NUMA1: variants seen among roughly 807,000 people sequenced by gnomAD.
NUMA1 encodes SP-H antigen.
In NUMA1, 62 loss-of-function variants were observed where a neutral mutation model predicts 237.1. The ratio of observed to expected loss-of-function variants is 0.26; its 90% CI spans 0.21 to 0.32. The LOEUF (loss-of-function observed/expected upper bound fraction) is 0.32, where lower values mean the gene tolerates loss of function less well. NUMA1 is among the 10% of genes least tolerant of loss of function. The pLI is 1.00. For synonymous variants in NUMA1, 1,028 were observed against 1,066.1 expected (o/e 0.96, Z 0.70); for missense variants, 2,533 against 2,666.5 (o/e 0.95, Z 1.10).
intron 8 of NUMA1, among the ~76,000 whole-genome samples, chr11:72,020,139 G>T (rs1447373004): frequency 6.6e-6 from 1 of 152,092 alleles, no homozygotes; most frequent in Non-Finnish European, 1.5e-5. Context: ...CCATTCTTAA[G>T]TCTCCTCATC....
chr11:72,067,316 A>G (rs1239458846), intron 2 of NUMA1: 2 of 152,210 alleles, frequency 1.3e-5, no homozygotes, highest in Non-Finnish European at 2.9e-5. Flanking sequence ...CTCTAAATGA[A>G]TCCCACTGTA....
intron 2 of NUMA1, among the ~76,000 whole-genome samples, chr11:72,054,662 A>G (rs779705055): frequency 1.3e-5 from 2 of 152,188 alleles, no homozygotes; most frequent in Non-Finnish European, 2.9e-5. Context: ...CAAATCCAAG[A>G]CTGTCCCACT....
rs1956390406 is a variant in NUMA1 at position 72,014,657 on chromosome 11, G to C, written c.2846C>G (p.Pro949Arg). 6.2e-7 allele frequency: 1 copy of C among 1,612,586 alleles called. No homozygotes were observed. Among genetic ancestry groups the C allele is most frequent in the South Asian group, 1.1e-5 (1 of 91,092 alleles). ...KEPARAGDRQ[P>R]EWLEEQQGRQ... is the part of the protein sequence containing the mutation. ...TCCCTGTTGCTCTTCCAGCCACTCG[G>C]GCTGTCTGTCTCCTGCCCTCGCAGG... is the stretch of plus-strand genomic sequence containing the variant. The change falls in exon 15 of 27, where the codon CCC becomes CGC. Residue 949 changes from proline (P) to arginine (R), a missense_variant. Pro to Arg is a moderately radical substitution (Grantham distance 103). Coordinates refer to ENST00000393695, the MANE Select transcript of NUMA1 (RefSeq NM_006185.4). The surrounding 1 kb of genome is among the most constrained non-coding windows in gnomAD (Gnocchi z 4.6).
intron 25 of NUMA1, 32 bp from the exon 26 acceptor site, chr11:72,004,131 C>CAATG (rs1207942201): frequency 6.2e-7 from 1 of 1,611,902 alleles, no homozygotes; most frequent in African/African-American, 1.3e-5. Context: ...CCGGGAGACC[C>CAATG]AATGCTGCCT....
chr11:72,025,906 A>G (rs998232726), intron 4 of NUMA1, among the ~76,000 whole-genome samples: 1 of 152,166 alleles, frequency 6.6e-6, no homozygotes, highest in Non-Finnish European at 1.5e-5. Flanking sequence ...CCCACCCACA[A>G]TCTGGAATGT....
At chr11:72,055,128 T>C (rs7122209) in intron 2 of NUMA1, among the ~76,000 whole-genome samples, 2,574 of 152,160 alleles carry the variant, frequency 0.017, 76 homozygotes, top group African/African-American at 0.059. Flanking sequence ...ATAAAGAGAA[T>C]AGATTTGGGG....
In NUMA1 at chr11:72,016,150, A is replaced by T; in HGVS notation, c.1353T>A (p.Leu451=). The T allele has an allele frequency of 1.2e-6, 2 of 1,613,980 alleles. No homozygotes were observed. The highest frequency in any genetic ancestry group is 1.7e-6 in the Non-Finnish European group (2 of 1,179,954). The change falls in exon 15 of 27, where the codon CTT becomes CTA. Residue 451 remains leucine (L), a synonymous_variant. Coordinates refer to ENST00000393695, the MANE Select transcript of NUMA1 (RefSeq NM_006185.4). ...CTTCTTCGAAGTGGCCCCGCTCAGC[A>T]AGCAGCTTGGCTTCCTGCTGGCCTC... is the stretch of plus-strand genomic sequence containing the variant. ...TERGQQEAKL[L]AERGHFEEEK...
intron 2 of NUMA1, among the ~76,000 whole-genome samples, chr11:72,062,900 C>T (rs547374874): frequency 6.6e-6 from 1 of 151,202 alleles, no homozygotes; most frequent in East Asian, 2.0e-4. Context: ...TGGAGAAACC[C>T]GTCTTAAAAA....
At chr11:72,047,667 G>A (rs1244929431) in intron 2 of NUMA1, among the ~76,000 whole-genome samples, 1 of 152,010 alleles carries the variant, frequency 6.6e-6, no homozygotes, top group East Asian at 1.9e-4. Context: ...ACTCTGCCAG[G>A]CAGGTCTATA....
In NUMA1 at chr11:72,018,267, C is replaced by T. The variant is rs774996885; in HGVS notation, c.894G>A (p.Gln298=). The change falls in exon 12 of 27, where the codon CAG becomes CAA. Residue 298 remains glutamine (Q), a synonymous_variant. Transcript: ENST00000393695. The part of the protein sequence containing the change: ...LTMRLHETLK[Q]CQDLKTEKSQ... Reference sequence around the variant, plus strand: ...TCTTCTCTGTCTTCAGGTCCTGGCACTGCTTCAGGGTTTCATGCAGCCGCA... The same window carrying T: ...TCTTCTCTGTCTTCAGGTCCTGGCATTGCTTCAGGGTTTCATGCAGCCGCA... 6.2e-7 allele frequency: 1 copy of T among 1,614,206 alleles called. No homozygotes were observed. Among genetic ancestry groups the T allele is most frequent in the Non-Finnish European group, 8.5e-7 (1 of 1,180,032 alleles).
intron 1 of NUMA1, among the ~76,000 whole-genome samples, chr11:72,077,233 G>A (rs1245993920): frequency 6.6e-6 from 1 of 152,160 alleles, no homozygotes; most frequent in Admixed American, 6.5e-5. Context: ...CACAATTAGT[G>A]AAAAGATATG....
Position 72,009,285 on chromosome 11 carries a change from C to T in NUMA1, c.4822G>A (p.Glu1608Lys), listed in dbSNP as rs573169348. The T allele has an allele frequency of 1.2e-6, 2 of 1,613,146 alleles. No homozygotes were observed. The highest frequency in any genetic ancestry group is 2.7e-5 in the African/African-American group (2 of 74,906). ...AQLSQKEQAA[E>K]HYKLQMEKAK... ...CTCCTTACCTGCAGCTTATAGTGCT[C>T]AGCTGCCTGCTCCTTCTGGCTCAAC... Residue 1608 changes from glutamate (E) to lysine (K), a missense_variant, in exon 18 of 27, where the codon GAG (glutamate) becomes AAG (lysine). By Grantham distance (56) the Glu-to-Lys change is moderately conservative. Coordinates refer to ENST00000393695, the MANE Select transcript of NUMA1 (RefSeq NM_006185.4).
At chr11:72,026,639 C>A (rs771145920) in intron 4 of NUMA1, among the ~76,000 whole-genome samples, 1 of 152,148 alleles carries the variant, frequency 6.6e-6, no homozygotes, top group Admixed American at 6.5e-5. Flanking sequence ...ACTCCCACAG[C>A]TTATTTTTTT....
intron 26 of NUMA1, 114 bp downstream of exon 26, chr11:72,003,773 C>T: frequency 8.4e-7 from 1 of 1,187,726 alleles, no homozygotes; most frequent in Non-Finnish European, 1.2e-6. Context: ...CCTCTTACCC[C>T]ACACCCTCCA....
chr11:72,077,494 C>G (rs1263559667), intron 1 of NUMA1, among the ~76,000 whole-genome samples: 1 of 152,104 alleles, frequency 6.6e-6, no homozygotes, highest in African/African-American at 2.4e-5. Flanking sequence ...TAATTGGAAG[C>G]CTAGTACCCA....
rs186121470 is a variant in NUMA1 at position 72,006,236 on chromosome 11, C to T, written c.5491G>A (p.Ala1831Thr). ...KKLDVEEPDSANSSFYSTRSA... is the reference protein window; with the variant it reads ...KKLDVEEPDSTNSSFYSTRSA... ...CGCGTGCTGTAGAACGATGAGTTGG[C>T]GCTGTCTGGCTCTTCCACATCTAGC... Residue 1831 changes from alanine (A) to threonine (T), a missense_variant, in exon 22 of 27, where the codon GCC becomes ACC. Physicochemically the swap from Ala to Thr is moderately conservative, Grantham distance 58 (BLOSUM62 0). Around this residue, in one of 3 missense-constraint regions of NUMA1, gnomAD observed 795 missense variants for 750.8 expected, o/e 1.06. Transcript: ENST00000393695. The T allele has an allele frequency of 3.4e-5, 55 of 1,614,140 alleles. No individual in the cohort carries two copies. The highest frequency in any genetic ancestry group is 1.1e-4 in the East Asian group (5 of 44,870).
intron 2 of NUMA1, 103 bp from the exon 3 acceptor site, chr11:72,036,078 C>A: frequency 3.7e-6 from 3 of 818,354 alleles, no homozygotes; most frequent in South Asian, 2.9e-5. Flanking sequence ...ACACTTAAAT[C>A]ACTCTTCACT....
In NUMA1 at chr11:72,012,123, G is replaced by A; in HGVS notation, c.4650+278C>T. On this transcript the variant is annotated intron_variant, in intron 16 of 26. Transcript: ENST00000393695. Reference sequence around the variant, plus strand: ...TTGTGTCTGTCATTGGTTCAGGGTGGGAAAGATGAAGCCAGTGCTACCCCT... The same window carrying A: ...TTGTGTCTGTCATTGGTTCAGGGTGAGAAAGATGAAGCCAGTGCTACCCCT... 2 of 438,062 alleles carry A rather than the reference G, an allele frequency of 4.6e-6. 1 individual carries two copies. The highest frequency in any genetic ancestry group is 8.1e-6 in the Non-Finnish European group (2 of 247,544). The allele number at this position is 438,062 out of a possible 1,614,324, so 27.1% of individuals were successfully genotyped here.
rs376394423 is a variant in NUMA1 at position 72,005,383 on chromosome 11, G to A, written c.5693-14C>T. The A allele has an allele frequency of 5.6e-6, 9 of 1,600,788 alleles. No homozygotes were observed. The African/African-American group carries it at 8.1e-5, about 14-fold the overall frequency. On this transcript the variant is annotated splice_polypyrimidine_tract_variant and intron_variant, in intron 22 of 26. Coordinates refer to ENST00000393695, the MANE Select transcript of NUMA1 (RefSeq NM_006185.4). ...AGCTGTTCCTTCCTGTGGAAGGCAG[G>A]GAAGTGGGAACAAATGAGCCTGGAG... is the stretch of plus-strand genomic sequence containing the variant.
Sources: allele counts gnomAD v4.1 joint callset (sites outside exome capture counted in the v4.1 genomes callset), GRCh38; gene constraint gnomAD v4.1.1; regional missense constraint gnomAD v4.1.1; non-coding constraint Gnocchi (gnomAD v3.1); transcripts MANE v1.5; gene names NCBI Gene and HGNC (gene_info 2026-07-23, HGNC 2026-07-21).